GSN: variants seen among roughly 807,000 people sequenced by gnomAD.
The protein encoded by GSN is gelsolin.
A neutral mutation model predicts 85.7 loss-of-function variants in GSN; 56 were observed. That is an observed-to-expected ratio of 0.65 (90% confidence interval 0.53 to 0.82). GSN has a LOEUF of 0.82. Ranked by LOEUF, GSN falls within the 40% of genes least tolerant of loss-of-function variation. The probability of loss-of-function intolerance (pLI) is 0.00; values close to 1 mark genes in which losing one functional copy is unlikely to be tolerated. For missense variants in GSN, 857 were observed against 979.8 expected (o/e 0.87, Z 1.67); for synonymous variants, 373 against 399.1 (o/e 0.93, Z 0.78).
At chr9:121,215,962 C>T (rs2054056607) in intron 4 of GSN, among the ~76,000 whole-genome samples, 1 of 152,034 alleles carries the variant, frequency 6.6e-6, no homozygotes, top group South Asian at 2.1e-4. Context: ...CAAAACATTT[C>T]TGTGGACTGA....
chr9:121,220,534 G>A (rs557556388), intron 4 of GSN, among the ~76,000 whole-genome samples: 24 of 146,492 alleles, frequency 1.6e-4, no homozygotes, highest in Non-Finnish European at 4.6e-5. Context: ...CGGTCACTCA[G>A]CCAATGGGTG....
intron 11 of GSN, among the ~76,000 whole-genome samples, chr9:121,322,582 A>G (rs943774420): frequency 6.6e-6 from 1 of 152,218 alleles, no homozygotes; most frequent in African/African-American, 2.4e-5. Flanking sequence ...TGCTGGGTCA[A>G]AGAGTAACTG....
intron 5 of GSN, among the ~76,000 whole-genome samples, chr9:121,231,936 G>A (rs1342179738): frequency 1.3e-5 from 2 of 152,082 alleles, no homozygotes. Flanking sequence ...TCATGGTGGC[G>A]GGTGCCTGTA....
intron 5 of GSN, chr9:121,238,851 A>C (rs2054547217): frequency 1.9e-6 from 1 of 529,952 alleles, no homozygotes; most frequent in Non-Finnish European, 3.9e-6. Context: ...TACAGCAATC[A>C]TGGCTTGTAC....
intron 7 of GSN, among the ~76,000 whole-genome samples, chr9:121,314,793 C>T (rs1032797867): frequency 6.6e-6 from 1 of 152,214 alleles, no homozygotes; most frequent in Non-Finnish European, 1.5e-5. Flanking sequence ...AAATCAGCCT[C>T]TCCTCCTCAT....
chr9:121,307,506 C>G (rs549302792), intron 4 of GSN, among the ~76,000 whole-genome samples: 20 of 152,250 alleles, frequency 1.3e-4, no homozygotes, highest in Admixed American at 2.6e-4. Flanking sequence ...GAAGCTGGGT[C>G]CCTGGAAGGG....
chr9:121,298,154 C>T (rs1392339796), intron 2 of GSN, among the ~76,000 whole-genome samples: 1 of 152,132 alleles, frequency 6.6e-6, no homozygotes, highest in Non-Finnish European at 1.5e-5. Context: ...GCACACAGGC[C>T]TCGGTGACCC....
At chr9:121,304,636 G>C (rs1325808838) in intron 4 of GSN, among the ~76,000 whole-genome samples, 3 of 152,212 alleles carry the variant, frequency 2.0e-5, no homozygotes, top group African/African-American at 7.2e-5. Flanking sequence ...CTCAATAACA[G>C]CAGCACCAGC....
At chr9:121,207,009 C>A (rs1298322056), upstream of GSN, among the ~76,000 whole-genome samples, 1 of 152,222 alleles carries the variant, frequency 6.6e-6, no homozygotes, top group East Asian at 1.9e-4. Flanking sequence ...TCTTTCATTG[C>A]ATGCTCACTC....
At position 121,287,740 on chromosome 9, in the gene GSN, T is replaced by G. The variant is rs1023706117; in HGVS notation, c.-10+6178T>G. 2.6e-5 allele frequency among the ~76,000 whole-genome samples: 4 copies of G among 152,084 alleles called. No individual in the cohort carries two copies. In the East Asian group the frequency reaches 5.8e-4, roughly 22 times the overall value. ...ATTGAAATATAATTTACATGATTTA[T>G]TGGAGTAAATTTACATATAATTTAC... On this transcript the variant is annotated intron_variant, in intron 2 of 17. Coordinates refer to ENST00000432226, the MANE Select transcript of GSN (RefSeq NM_198252.3).
intron 5 of GSN, among the ~76,000 whole-genome samples, chr9:121,237,363 A>G (rs2054516016): frequency 6.6e-6 from 1 of 152,140 alleles, no homozygotes; most frequent in African/African-American, 2.4e-5. Flanking sequence ...GGGGTTCAAG[A>G]CCAGCTTAGG....
intron 2 of GSN, among the ~76,000 whole-genome samples, chr9:121,300,359 G>A (rs1231103638): frequency 1.3e-5 from 2 of 151,408 alleles, no homozygotes; most frequent in Non-Finnish European, 2.9e-5. Flanking sequence ...TTCCATTTAC[G>A]ATTCCTTGTT....
intron 1 of GSN, among the ~76,000 whole-genome samples, chr9:121,279,434 C>T (rs1051687665): frequency 6.6e-6 from 1 of 151,636 alleles, no homozygotes; most frequent in African/African-American, 2.4e-5. Flanking sequence ...GTCATGCAGG[C>T]AAGAGGTGAT....
chr9:121,312,372 C>A lies in GSN; in HGVS notation c.547C>A (p.Arg183=), dbSNP rs371175865. Residue 183 remains arginine (R), a synonymous_variant, in exon 6 of 18, where the codon CGG becomes AGG. Transcript: ENST00000432226. ...IHQWCGSNSN[R]YERLKATQVS... is the part of the protein sequence containing the mutation. ...CCAGTGGTGTGGTTCCAACAGCAAT[C>A]GGTATGAAAGACTGAAGGCCACACA... The A allele has an allele frequency of 3.1e-6, 5 of 1,614,050 alleles. No homozygotes were observed. The highest frequency in any genetic ancestry group is 4.2e-6 in the Non-Finnish European group (5 of 1,179,950).
intron 11 of GSN, among the ~76,000 whole-genome samples, chr9:121,322,305 G>C (rs1476511538): frequency 6.6e-6 from 1 of 152,106 alleles, no homozygotes; most frequent in Non-Finnish European, 1.5e-5. Context: ...ATATTGCCCT[G>C]CACCTTGCTT....
chr9:121,326,498 T>A lies in GSN; in HGVS notation c.1417-14T>A, dbSNP rs2063183964. ...CCCCAAGGTCCCTGACTTGCTCTCC[T>A]GTCTCCCTGCCAGAGCCGTGTGGTC... On this transcript the variant is annotated splice_polypyrimidine_tract_variant and intron_variant, in intron 12 of 17. Coordinates refer to ENST00000432226, the MANE Select transcript of GSN (RefSeq NM_198252.3). The A allele has an allele frequency of 6.2e-7, 1 of 1,612,622 alleles. No individual in the cohort carries two copies. The highest frequency in any genetic ancestry group is 1.7e-5 in the Admixed American group (1 of 60,000).
chr9:121,311,059 T>C (rs978519985), intron 5 of GSN: 1 of 592,922 alleles, frequency 1.7e-6, no homozygotes, highest in Non-Finnish European at 3.0e-6. Context: ...GATTGACATA[T>C]AGACTTCCTG....
intron 8 of GSN, 47 bp downstream of exon 8, chr9:121,317,265 A>G: frequency 6.2e-7 from 1 of 1,603,462 alleles, no homozygotes; most frequent in Non-Finnish European, 8.5e-7. Flanking sequence ...AGGATCTTGG[A>G]TGGGATGTTC....
chr9:121,260,118 C>G (rs755596315), intron 6 of GSN, among the ~76,000 whole-genome samples: 3 of 152,182 alleles, frequency 2.0e-5, no homozygotes, highest in Non-Finnish European at 2.9e-5. Context: ...CCCTGAGACC[C>G]CAAGGGGGCT....
Sources: gnomAD v4.1 joint callset for allele counts (sites outside exome capture counted in the v4.1 genomes callset) on GRCh38, gnomAD v4.1.1 for gene constraint, MANE v1.5 for transcripts, NCBI Gene and HGNC (gene_info 2026-07-23, HGNC 2026-07-21) for gene names.